DNAAF11: variants seen among roughly 807,000 people sequenced by gnomAD.
DNAAF11 encodes dynein axonemal assembly factor 11, also known as leucine rich repeat containing 6.
In DNAAF11, 45 loss-of-function variants were observed where a neutral mutation model predicts 60.8. The observed-to-expected ratio is 0.74, with a 90% CI of 0.58 to 0.95. The LOEUF (loss-of-function observed/expected upper bound fraction) is 0.95. DNAAF11 is among the 40% of genes least tolerant of loss of function. The pLI is 0.00. For missense variants in DNAAF11, 546 were observed against 546.2 expected, an observed-to-expected ratio of 1.00 and a Z score of 0.00; for synonymous variants, 191 against 183.5, an observed-to-expected ratio of 1.04 and a Z score of -0.33.
intron 3 of DNAAF11, 77 bp downstream of exon 3, chr8:132,656,753 T>C: frequency 1.5e-6 from 1 of 653,094 alleles, no homozygotes; most frequent in Non-Finnish European, 2.7e-6. Flanking sequence ...ATTACAGGCG[T>C]GAGCCACTGC....
In DNAAF11 at chr8:132,637,942, T is replaced by C; in HGVS notation, c.422A>G (p.Gln141Arg). The C allele has an allele frequency of 6.2e-7, 1 of 1,605,144 alleles. No individual in the cohort carries two copies. The highest frequency in any genetic ancestry group is 8.5e-7 in the Non-Finnish European group (1 of 1,176,114). ...YREFVVATLP[Q>R]LKWLDGKEIE... ...CCATTAAAAGAACCATACCTTTAATTGTGGAAGAGTTGCTACCACGAACTC... is the reference window on the plus strand; with the variant it reads ...CCATTAAAAGAACCATACCTTTAATCGTGGAAGAGTTGCTACCACGAACTC... The change falls in exon 4 of 12, where the codon CAA (glutamine) becomes CGA (arginine). Residue 141 changes from glutamine (Q) to arginine (R), a missense_variant. By Grantham distance (43) the Gln-to-Arg change is conservative (BLOSUM62 1). Transcript: ENST00000620350.
chr8:132,572,413 C>A lies in DNAAF11; in HGVS notation c.1294G>T (p.Val432Phe), dbSNP rs770349365. ...CTGGGTGTGTGTTTTTTCTCTTGAACTATGTTAGTCACATCAGGGAATGAG... is the reference window on the plus strand; with the variant it reads ...CTGGGTGTGTGTTTTTTCTCTTGAAATATGTTAGTCACATCAGGGAATGAG... The part of the protein sequence containing the change: ...KHSFPDVTNI[V>F]QEKKHTPRRR... Residue 432 changes from valine (V) to phenylalanine (F), a missense_variant, in exon 12 of 12, where the codon GTT (valine) becomes TTT (phenylalanine). Coordinates refer to ENST00000620350, the MANE Select transcript of DNAAF11 (RefSeq NM_012472.6). The A allele has an allele frequency of 3.1e-6, 5 of 1,613,704 alleles. No homozygotes were observed. Among genetic ancestry groups the A allele is most frequent in the Non-Finnish European group, 4.2e-6 (5 of 1,179,722 alleles).
rs1194992500 is a variant in DNAAF11 at position 132,617,851 on chromosome 8, T to C, written c.915-2754A>G. On this transcript the variant is annotated intron_variant, in intron 7 of 11. Transcript: ENST00000620350. The stretch of plus-strand genomic sequence containing the variant: ...GCTCATGGGTAGGAAGAATCAATAT[T>C]GTGAAAATGGCCATACTGCCCAAGG... Among the ~76,000 whole-genome samples the C allele has an allele frequency of 8.0e-5, 12 of 149,548 alleles. No individual in the cohort carries two copies. The South Asian group carries it at 1.1e-3, about 13-fold the overall frequency.
At chr8:132,696,578 A>G in the DNAAF11 span, among the ~76,000 whole-genome samples, 1 of 152,242 alleles carries the variant, frequency 6.6e-6, no homozygotes, top group African/African-American at 2.4e-5. Flanking sequence ...CTATTCTACT[A>G]TAAAAAGTAA....
At chr8:132,573,340 G>T (rs1178317203) in intron 11 of DNAAF11, among the ~76,000 whole-genome samples, 1 of 152,150 alleles carries the variant, frequency 6.6e-6, no homozygotes, top group East Asian at 1.9e-4. Flanking sequence ...TATTCCAGGT[G>T]TTGTATAGGC....
chr8:132,639,960 C>T (rs1167121283), intron 3 of DNAAF11, among the ~76,000 whole-genome samples: 2 of 152,052 alleles, frequency 1.3e-5, no homozygotes. Flanking sequence ...TGTGCAAACA[C>T]AGAATCCAGA....
intron 3 of DNAAF11, 50 bp downstream of exon 3, chr8:132,656,780 T>A: frequency 1.1e-6 from 1 of 893,236 alleles, no homozygotes; most frequent in Non-Finnish European, 1.8e-6. Context: ...CCTTCTAACT[T>A]AAAATCTCAA....
chr8:132,690,799 T>C, the DNAAF11 span, among the ~76,000 whole-genome samples: 1 of 152,200 alleles, frequency 6.6e-6, no homozygotes, highest in African/African-American at 2.4e-5. Flanking sequence ...TAGAATGTCC[T>C]TCAGTTGGGA....
intron 10 of DNAAF11, among the ~76,000 whole-genome samples, chr8:132,589,477 G>A (rs544390212): frequency 7.2e-5 from 11 of 152,306 alleles, no homozygotes; most frequent in African/African-American, 1.2e-4. Context: ...GACAAGGTGT[G>A]TGATGTTAAC....
At chr8:132,676,979 C>T (rs1457628809), upstream of DNAAF11, among the ~76,000 whole-genome samples, 1 of 152,198 alleles carries the variant, frequency 6.6e-6, no homozygotes, top group African/African-American at 2.4e-5. Context: ...TTAGCTCTGG[C>T]ATTGGAAACA....
the DNAAF11 span, among the ~76,000 whole-genome samples, chr8:132,684,185 C>T: frequency 1.3e-5 from 2 of 152,172 alleles, no homozygotes; most frequent in Non-Finnish European, 2.9e-5. Context: ...TTTTGAAAAG[C>T]CACCCTCAGT....
intron 10 of DNAAF11, among the ~76,000 whole-genome samples, chr8:132,600,587 T>C (rs953424382): frequency 6.6e-6 from 1 of 152,088 alleles, no homozygotes; most frequent in African/African-American, 2.4e-5. Flanking sequence ...TATAGACCAA[T>C]GGAACACAAC....
At chr8:132,584,796 G>A (rs1265611588) in intron 10 of DNAAF11, among the ~76,000 whole-genome samples, 3 of 152,148 alleles carry the variant, frequency 2.0e-5, no homozygotes, top group Non-Finnish European at 4.4e-5. Context: ...GTGGTGCACA[G>A]CTGTGATCCA....
intron 8 of DNAAF11, among the ~76,000 whole-genome samples, chr8:132,612,345 C>T (rs1818751033): frequency 6.6e-6 from 1 of 152,136 alleles, no homozygotes; most frequent in Non-Finnish European, 1.5e-5. Flanking sequence ...TACAGCTTCA[C>T]ATGTGATATC....
chr8:132,654,240 T>C (rs1376675119), intron 3 of DNAAF11, among the ~76,000 whole-genome samples: 2 of 152,026 alleles, frequency 1.3e-5, no homozygotes, highest in African/African-American at 4.8e-5. Flanking sequence ...ATTATAAACA[T>C]ATATGCACCT....
chr8:132,623,160 T>C (rs1309519979), intron 6 of DNAAF11, among the ~76,000 whole-genome samples: 1 of 152,164 alleles, frequency 6.6e-6, no homozygotes, highest in Non-Finnish European at 1.5e-5. Context: ...AGGATATTTC[T>C]CACAGCATTA....
rs1320972192 is a variant in DNAAF11, at chr8:132,583,340, A to G, written c.1226+354T>C. On this transcript the variant is annotated intron_variant, in intron 11 of 11. Coordinates refer to ENST00000620350, the MANE Select transcript of DNAAF11 (RefSeq NM_012472.6). ...CCCCTCCCTCAGCTCCCCTAACTGG[A>G]AACTGAGCATAAAAATTATGAGGAT... 2.6e-5 allele frequency among the ~76,000 whole-genome samples: 4 copies of G among 152,160 alleles called. No individual in the cohort carries two copies. The East Asian group carries it at 7.7e-4, about 29-fold the overall frequency.
chr8:132,655,696 C>A (rs1823486551), intron 3 of DNAAF11, among the ~76,000 whole-genome samples: 1 of 152,070 alleles, frequency 6.6e-6, no homozygotes, highest in Admixed American at 6.6e-5. Context: ...ATTCAAGTGG[C>A]CAGTAAGCAC....
At chr8:132,693,071 C>A in the DNAAF11 span, among the ~76,000 whole-genome samples, 1 of 152,122 alleles carries the variant, frequency 6.6e-6, no homozygotes, top group African/African-American at 2.4e-5. Flanking sequence ...GGTGAGTGAG[C>A]CAGGTGGGGA....
Sources: allele counts gnomAD v4.1 joint callset (sites outside exome capture counted in the v4.1 genomes callset), GRCh38; gene constraint gnomAD v4.1.1; transcripts MANE v1.5; gene names NCBI Gene and HGNC (gene_info 2026-07-23, HGNC 2026-07-21).